The following DUS2 variants were observed in gnomAD, a reference collection of about 807,000 sequenced individuals.
The protein encoded by DUS2 is tRNA-dihydrouridine(20) synthase [NAD(P)+]-like.
In DUS2, 52 loss-of-function variants were observed where a neutral mutation model predicts 71.3. The ratio of observed to expected loss-of-function variants is 0.73; its 90% CI spans 0.58 to 0.92. The LOEUF is 0.92. Among genes scored for constraint, DUS2 ranks in the 40% least tolerant of loss-of-function variants. DUS2 has a pLI of 0.00. For missense variants in DUS2, 558 were observed against 622.6 expected (o/e 0.90, Z 1.10); for synonymous variants, 204 against 227.8 (o/e 0.90, Z 0.94).
At chr16:68,049,414 C>T in intron 3 of DUS2, 91 bp from the exon 4 acceptor site, 1 of 1,391,626 alleles carries the variant, frequency 7.2e-7, no homozygotes, top group Non-Finnish European at 1.0e-6. Context: ...GGCGACTGGC[C>T]AAGCGATCCT....
chr16:68,075,205 G>T, intron 13 of DUS2, 150 bp from the exon 14 acceptor site: 2 of 651,080 alleles, frequency 3.1e-6, no homozygotes, highest in South Asian at 6.3e-5. Flanking sequence ...CCCAGGGCTG[G>T]GCAGGGGGCA....
At chr16:68,053,129 A>G (rs571607015) in intron 4 of DUS2, among the ~76,000 whole-genome samples, 5 of 151,900 alleles carry the variant, frequency 3.3e-5, no homozygotes, top group Non-Finnish European at 7.4e-5. Flanking sequence ...CGCCTGGCTA[A>G]TTTTTGTATT....
At chr16:68,057,104 ATATAT>A (rs938223282) in intron 7 of DUS2, among the ~76,000 whole-genome samples, 21 of 140,482 alleles carry the variant, frequency 1.5e-4, no homozygotes, top group East Asian at 3.9e-4. Context: ...TATAGATTAC[ATATAT>A]TATATATTAC....
At chr16:68,054,919 TGTAGTCCCAG>T (rs2033830471) in intron 6 of DUS2, among the ~76,000 whole-genome samples, 3 of 152,150 alleles carry the variant, frequency 2.0e-5, no homozygotes, top group Admixed American at 2.0e-4. Context: ...GGCGCGTGCC[TGTAGTCCCAG>T]CTACTCAGGA....
At chr16:68,057,304 A>T (rs1159731741) in intron 7 of DUS2, among the ~76,000 whole-genome samples, 1 of 149,394 alleles carries the variant, frequency 6.7e-6, no homozygotes, top group African/African-American at 2.4e-5. Flanking sequence ...TAATAAAACA[A>T]TGCAAAGGTA....
chr16:68,056,231 TG>T, intron 6 of DUS2, 132 bp from the exon 7 acceptor site: 1 of 655,026 alleles, frequency 1.5e-6, no homozygotes, highest in Non-Finnish European at 2.6e-6. Context: ...CTTCTGTCAT[TG>T]GGGGTTGGTG....
Position 68,070,212 on chromosome 16 carries a change from C to T in DUS2, c.633C>T (p.Val211=), listed in dbSNP as rs2034065036. 1 of 1,613,948 alleles carries T rather than the reference C, an allele frequency of 6.2e-7. No homozygotes were observed. The highest frequency in any genetic ancestry group is 1.3e-5 in the African/African-American group (1 of 74,920). ...KAIADTLSIP[V]IANGGSHDHI... is the part of the protein sequence containing the mutation. ...TTGCTGATACCCTCTCCATTCCTGT[C>T]ATAGCCAAGTAAGCCTCCTGTCTTC... is the stretch of plus-strand genomic sequence containing the variant. Residue 211 remains valine (V), a synonymous_variant, in exon 11 of 17, where the codon GTC becomes GTT. Coordinates refer to ENST00000565263, the MANE Select transcript of DUS2 (RefSeq NM_017803.5).
At chr16:68,069,187 A>G (rs1468029406) in intron 10 of DUS2, among the ~76,000 whole-genome samples, 1 of 152,038 alleles carries the variant, frequency 6.6e-6, no homozygotes, top group Non-Finnish European at 1.5e-5. Flanking sequence ...TCAGGAGTTC[A>G]AGACCAGCCT....
intron 3 of DUS2, among the ~76,000 whole-genome samples, chr16:68,043,904 A>G (rs1049910554): frequency 2.0e-5 from 3 of 152,050 alleles, no homozygotes; most frequent in Non-Finnish European, 4.4e-5. Context: ...GCCTCAAGTG[A>G]TCCTCCTGCT....
chr16:68,027,051 A>C (rs1272475272), intron 2 of DUS2: 1 of 152,092 alleles, frequency 6.6e-6, no homozygotes, highest in African/African-American at 2.4e-5. Flanking sequence ...GCTCCATGCA[A>C]GTTGGCCAAA....
intron 7 of DUS2, among the ~76,000 whole-genome samples, chr16:68,058,470 C>T (rs2033893149): frequency 1.3e-5 from 2 of 152,056 alleles, no homozygotes; most frequent in African/African-American, 4.8e-5. Flanking sequence ...TCGTGATCCA[C>T]CTGCCTCGGC....
intron 2 of DUS2, among the ~76,000 whole-genome samples, chr16:68,032,409 A>T (rs557200687): frequency 6.6e-6 from 1 of 152,222 alleles, no homozygotes; most frequent in South Asian, 2.1e-4. Context: ...CTCCAGGAGG[A>T]GCTGAGGATT....
intron 13 of DUS2, among the ~76,000 whole-genome samples, chr16:68,074,359 G>C (rs771604961): frequency 6.6e-6 from 1 of 152,202 alleles, no homozygotes; most frequent in Non-Finnish European, 1.5e-5. Context: ...GATCAGCAGA[G>C]CTCTGGGAAC....
chr16:68,036,632 GT>G (rs1274309526), intron 2 of DUS2, among the ~76,000 whole-genome samples: 2 of 152,118 alleles, frequency 1.3e-5, no homozygotes, highest in Non-Finnish European at 2.9e-5. Context: ...TAGAGATGGG[GT>G]TTTGCCATGT....
At chr16:68,061,923 A>G (rs1455081206) in intron 8 of DUS2, among the ~76,000 whole-genome samples, 5 of 152,172 alleles carry the variant, frequency 3.3e-5, no homozygotes, top group Non-Finnish European at 7.4e-5. Context: ...TCTGGGACAT[A>G]GGAAGACCAC....
chr16:68,048,741 G>C (rs780783261), intron 3 of DUS2, among the ~76,000 whole-genome samples: 1 of 152,092 alleles, frequency 6.6e-6, no homozygotes, highest in Non-Finnish European at 1.5e-5. Flanking sequence ...ATGGGGGTTA[G>C]TACCAGGAGT....
At chr16:68,036,052 A>G (rs2033521572) in intron 2 of DUS2, among the ~76,000 whole-genome samples, 1 of 150,482 alleles carries the variant, frequency 6.6e-6, no homozygotes, top group Admixed American at 6.7e-5. Flanking sequence ...GCTAGAGTGC[A>G]ATGGCGCGAT....
intron 8 of DUS2, among the ~76,000 whole-genome samples, chr16:68,063,613 G>A (rs1014028869): frequency 6.6e-6 from 1 of 152,202 alleles, no homozygotes; most frequent in East Asian, 1.9e-4. Context: ...GACCCTTGGG[G>A]TGAGTAGGGG....
intron 3 of DUS2, among the ~76,000 whole-genome samples, chr16:68,046,912 A>G (rs997954669): frequency 6.6e-6 from 1 of 151,592 alleles, no homozygotes; most frequent in African/African-American, 2.4e-5. Flanking sequence ...ACACCCGGCT[A>G]ATTTTGTTTT....
Sources: gnomAD v4.1 joint callset for allele counts (sites outside exome capture counted in the v4.1 genomes callset) on GRCh38, gnomAD v4.1.1 for gene constraint, MANE v1.5 for transcripts, NCBI Gene and HGNC (gene_info 2026-07-23, HGNC 2026-07-21) for gene names.